SULT4A1: variants seen among roughly 807,000 people sequenced by gnomAD.
The protein encoded by SULT4A1 is sulfotransferase 4A1.
Under a neutral mutation model 35.2 loss-of-function variants are expected in SULT4A1, and 11 were observed. The observed-to-expected ratio is 0.31, with a 90% CI of 0.20 to 0.52. The LOEUF is 0.52. SULT4A1 is among the 20% of genes least tolerant of loss of function. The pLI is 0.97. For missense variants in SULT4A1, 271 were observed against 383.7 expected (o/e 0.71, Z 2.45); for synonymous variants, 152 against 151.8 (o/e 1.00, Z -0.01).
chr22:43,839,921 G>A, intron 3 of SULT4A1, 24 bp downstream of exon 3: 1 of 1,591,616 alleles, frequency 6.3e-7, no homozygotes, highest in Non-Finnish European at 8.6e-7. Context: ...CTCATCTCGG[G>A]AGGCAGAGGA....
At chr22:43,843,134 G>A (rs2063447401) in intron 1 of SULT4A1, among the ~76,000 whole-genome samples, 1 of 152,084 alleles carries the variant, frequency 6.6e-6, no homozygotes, top group African/African-American at 2.4e-5. Flanking sequence ...AACTCTCTGG[G>A]CTGGGCACAG....
chr22:43,826,708 A>G (rs993930144), intron 6 of SULT4A1: 2 of 985,334 alleles, frequency 2.0e-6, no homozygotes, highest in Non-Finnish European at 2.4e-6. Flanking sequence ...AGATTTCAAG[A>G]AGCCTGCCCT....
At chr22:43,852,753 G>A (rs1050056683) in intron 1 of SULT4A1, among the ~76,000 whole-genome samples, 1 of 150,514 alleles carries the variant, frequency 6.6e-6, no homozygotes, top group African/African-American at 2.5e-5. Flanking sequence ...TAGAGTTCCT[G>A]GTCACCCGGC....
chr22:43,862,071 G>A (rs981623399), intron 1 of SULT4A1, 143 bp downstream of exon 1: 1 of 196,080 alleles, frequency 5.1e-6, no homozygotes, highest in African/African-American at 2.5e-5. Flanking sequence ...TCCGAGCATC[G>A]GGAGAGCGGT....
chr22:43,850,279 G>A (rs751451665), intron 1 of SULT4A1, among the ~76,000 whole-genome samples: 2 of 152,086 alleles, frequency 1.3e-5, no homozygotes, highest in Admixed American at 6.5e-5. Context: ...AATGATTTTC[G>A]ACTACGAAAG....
intron 1 of SULT4A1, among the ~76,000 whole-genome samples, chr22:43,855,012 T>C (rs1246759594): frequency 6.6e-6 from 1 of 152,192 alleles, no homozygotes; most frequent in Non-Finnish European, 1.5e-5. Context: ...GATCTGCCCC[T>C]CTATGTGGGT....
At chr22:43,843,876 G>A (rs1215420645) in intron 1 of SULT4A1, among the ~76,000 whole-genome samples, 4 of 152,236 alleles carry the variant, frequency 2.6e-5, no homozygotes, top group South Asian at 2.1e-4. Context: ...GAGGGTGTGC[G>A]AACCCCAATT....
At chr22:43,836,864 T>C (rs543094477) in intron 4 of SULT4A1, among the ~76,000 whole-genome samples, 1 of 152,340 alleles carries the variant, frequency 6.6e-6, no homozygotes, top group South Asian at 2.1e-4. Flanking sequence ...GTCCTGACAC[T>C]GCAGGTGCCA....
Position 43,825,011 on chromosome 22 carries a change from C to T in SULT4A1, c.*990G>A, listed in dbSNP as rs184322397. 1.3e-5 allele frequency: 2 copies of T among 152,206 alleles called. No individual in the cohort carries two copies. Among genetic ancestry groups the T allele is most frequent in the African/African-American group, 2.4e-5 (1 of 41,444 alleles). 9.4% of individuals were successfully genotyped at this position (152,206 alleles called of 1,614,324 possible). A position where few individuals can be genotyped will look rare whatever the true frequency, so the allele number is the denominator to read the frequency against. On this transcript the variant is annotated 3_prime_UTR_variant, in exon 7 of 7. Coordinates refer to ENST00000330884, the MANE Select transcript of SULT4A1 (RefSeq NM_014351.4). ...CGCAGGCGGCCGTGCCAACCTGATC[C>T]GAGTGAAACAGGGCTACACTCGCAA...
At chr22:43,826,310 G>C in intron 6 of SULT4A1, 197 bp from the exon 7 acceptor site, 1 of 985,380 alleles carries the variant, frequency 1.0e-6, no homozygotes. Context: ...ACTGGATGCG[G>C]CAGAACATGA....
Position 43,829,130 on chromosome 22 carries a change from T to A in SULT4A1, c.672A>T (p.Glu224Asp), listed in dbSNP as rs1409918962. The A allele has an allele frequency of 6.4e-7, 1 of 1,559,876 alleles. No homozygotes were observed. Among genetic ancestry groups the A allele is most frequent in the Admixed American group, 1.9e-5 (1 of 52,632 alleles). Residue 224 changes from glutamate (E) to aspartate (D), a missense_variant, in exon 6 of 7, where the codon GAA becomes GAT. Coordinates refer to ENST00000330884, the MANE Select transcript of SULT4A1 (RefSeq NM_014351.4). ...GCTGGTGGCAGTGCTCCGTCAGGGCTTCCAGCTGGGCCTTGTCACAGGACA... is the reference window on the plus strand; with the variant it reads ...GCTGGTGGCAGTGCTCCGTCAGGGCATCCAGCTGGGCCTTGTCACAGGACA... Reference protein sequence around the residue: ...LGVSCDKAQLEALTEHCHQLV... With the variant: ...LGVSCDKAQLDALTEHCHQLV...
chr22:43,844,457 C>T (rs1047765025), intron 1 of SULT4A1, among the ~76,000 whole-genome samples: 35 of 152,198 alleles, frequency 2.3e-4, no homozygotes, highest in African/African-American at 5.8e-4. Flanking sequence ...ATCAGCCACG[C>T]GGCTGAGCCA....
chr22:43,851,452 A>T (rs1434845221), intron 1 of SULT4A1, among the ~76,000 whole-genome samples: 1 of 152,106 alleles, frequency 6.6e-6, no homozygotes, highest in South Asian at 2.1e-4. Context: ...GGTGATCTTG[A>T]GTCCACTCAC....
intron 1 of SULT4A1, among the ~76,000 whole-genome samples, chr22:43,843,391 C>T (rs1320139892): frequency 6.6e-6 from 1 of 152,224 alleles, no homozygotes. Flanking sequence ...CACTGCACTC[C>T]AGCCTGGGCA....
chr22:43,827,797 G>A (rs1411240230), intron 6 of SULT4A1, among the ~76,000 whole-genome samples: 1 of 149,866 alleles, frequency 6.7e-6, no homozygotes, highest in Admixed American at 6.7e-5. Context: ...ACCAAAAGGG[G>A]TATTTTGGAG....
At chr22:43,839,688 T>C (rs903872023) in intron 3 of SULT4A1, among the ~76,000 whole-genome samples, 1 of 152,362 alleles carries the variant, frequency 6.6e-6, no homozygotes, top group South Asian at 2.1e-4. Context: ...ACACGCCTGC[T>C]GGCCTGCTTT....
intron 4 of SULT4A1, among the ~76,000 whole-genome samples, chr22:43,837,339 T>C (rs1340586058): frequency 6.6e-6 from 1 of 152,252 alleles, no homozygotes; most frequent in Non-Finnish European, 1.5e-5. Flanking sequence ...TTAACTGCTC[T>C]GGCCTGAGCA....
chr22:43,850,083 G>C (rs1004354768), intron 1 of SULT4A1, among the ~76,000 whole-genome samples: 4 of 152,178 alleles, frequency 2.6e-5, no homozygotes, highest in African/African-American at 9.7e-5. Context: ...GAAGCAGTCG[G>C]GAAATGTCTG....
chr22:43,844,366 G>A (rs937103178), intron 1 of SULT4A1, among the ~76,000 whole-genome samples: 10 of 152,156 alleles, frequency 6.6e-5, no homozygotes, highest in Admixed American at 1.3e-4. Context: ...CGTGTGTGCT[G>A]AGGACACCCT....
Sources: gnomAD v4.1 joint callset for allele counts (sites outside exome capture counted in the v4.1 genomes callset) on GRCh38, gnomAD v4.1.1 for gene constraint, MANE v1.5 for transcripts, NCBI Gene and HGNC (gene_info 2026-07-23, HGNC 2026-07-21) for gene names.